The following PIEZO2 variants were observed in gnomAD, a reference collection of about 807,000 sequenced individuals.
PIEZO2 encodes piezo-type mechanosensitive ion channel component 2.
In PIEZO2, 172 loss-of-function variants were observed where a neutral mutation model predicts 337.3. The ratio of observed to expected loss-of-function variants is 0.51; its 90% CI spans 0.45 to 0.58. The LOEUF (loss-of-function observed/expected upper bound fraction) is 0.58. Ranked by LOEUF, PIEZO2 falls within the 20% of genes least tolerant of loss-of-function variation. The pLI is 0.00. For synonymous variants in PIEZO2, 1,251 were observed against 1,228.5 expected (o/e 1.02, Z -0.38); for missense variants, 3,028 against 3,391.3 (o/e 0.89, Z 2.66).
In PIEZO2 at chr18:10,968,556, A is replaced by G. The variant is rs183819886; in HGVS notation, c.286+10979T>C. 2.8e-3 allele frequency among the ~76,000 whole-genome samples: 433 copies of G among 152,058 alleles called. 1 individual carries two copies. The highest frequency in any genetic ancestry group is 3.7e-3 in the Non-Finnish European group (255 of 68,022). On this transcript the variant is annotated intron_variant, in intron 3 of 55. Coordinates refer to ENST00000674853, the MANE Select transcript of PIEZO2 (RefSeq NM_001378183.1). ...ATCTTACTCTCCAGTGTTACTTCTT[A>G]ACAATAGTTTGGGGTTCTTCAAGAG...
At chr18:11,059,213 T>C (rs1391891437) in intron 2 of PIEZO2, among the ~76,000 whole-genome samples, 4 of 131,056 alleles carry the variant, frequency 3.1e-5, no homozygotes, top group African/African-American at 9.9e-5. Flanking sequence ...TGCTGAGAGA[T>C]TTCATCACCA....
At chr18:10,842,251 C>A (rs1403725243) in intron 7 of PIEZO2, among the ~76,000 whole-genome samples, 3 of 152,048 alleles carry the variant, frequency 2.0e-5, no homozygotes, top group African/African-American at 7.2e-5. Context: ...TTTGCACCAA[C>A]CTAATATACA....
intron 40 of PIEZO2, among the ~76,000 whole-genome samples, chr18:10,706,916 A>C (rs1189559271): frequency 1.3e-5 from 2 of 152,160 alleles, no homozygotes; most frequent in Admixed American, 6.5e-5. Flanking sequence ...AAATGCATAG[A>C]CTGTACCCAT....
intron 2 of PIEZO2, among the ~76,000 whole-genome samples, chr18:10,998,861 CAAAA>C (rs10544415): frequency 3.4e-5 from 4 of 118,800 alleles, no homozygotes; most frequent in Non-Finnish European, 7.2e-5. Flanking sequence ...TCAAATACAG[CAAAA>C]AAAAAAAAAA....
rs1269795575 is a variant in PIEZO2, at chr18:10,867,669, C to G, written c.492+3584G>C. Among the ~76,000 whole-genome samples, 7 of 152,042 alleles carry G rather than the reference C, an allele frequency of 4.6e-5. No homozygotes were observed. The South Asian group carries it at 1.2e-3, about 27-fold the overall frequency. On this transcript the variant is annotated intron_variant, in intron 5 of 55. Transcript: ENST00000674853. ...ATTAAAATACTATCTAAAAGAAAGG[C>G]CTCAAATCTCATATAATAGCTAGAA...
At chr18:10,696,652 G>T in intron 45 of PIEZO2, 113 bp from the exon 46 acceptor site, 6 of 1,233,332 alleles carry the variant, frequency 4.9e-6, no homozygotes, top group Non-Finnish European at 6.8e-6. Context: ...TTCCAGTCAG[G>T]TCCCACCTTC....
rs773408238 is a variant in PIEZO2, at chr18:10,750,335, T to C, written c.4168-148A>G. 18 of 620,316 alleles carry C rather than the reference T, an allele frequency of 2.9e-5. No individual in the cohort carries two copies. Among genetic ancestry groups the C allele is most frequent in the Admixed American group, 1.1e-4 (4 of 37,044 alleles). The allele number at this position is 620,316 out of a possible 1,614,324, so 38.4% of individuals were successfully genotyped here. A position where few individuals can be genotyped will look rare whatever the true frequency, so the allele number is the denominator to read the frequency against. ...AATTGTACCTAAAAATTCAGTCACC[T>C]TGTGGTAGTGCTTCAGGAGCAATGT... is the stretch of plus-strand genomic sequence containing the variant. On this transcript the variant is annotated intron_variant, in intron 28 of 55. Coordinates refer to ENST00000674853, the MANE Select transcript of PIEZO2 (RefSeq NM_001378183.1). The surrounding 1 kb of genome is among the most constrained non-coding windows in gnomAD (Gnocchi z 4.1).
At chr18:10,717,029 A>G (rs1324700025) in intron 37 of PIEZO2, among the ~76,000 whole-genome samples, 1 of 152,170 alleles carries the variant, frequency 6.6e-6, no homozygotes, top group African/African-American at 2.4e-5. Context: ...GCAGTAGGGC[A>G]CAGTGGTTAA....
chr18:11,077,015 C>T lies in PIEZO2; in HGVS notation c.65-10793G>A, dbSNP rs1349360271. On this transcript the variant is annotated intron_variant, in intron 1 of 55. Transcript: ENST00000674853. The surrounding 1 kb of genome is among the most constrained non-coding windows in gnomAD (Gnocchi z 4.8). Reference sequence around the variant, plus strand: ...TCTGATCTGACAGAATAGCACCACACATTGCCTCTCATAATTGCAAATGAG... The same window carrying T: ...TCTGATCTGACAGAATAGCACCACATATTGCCTCTCATAATTGCAAATGAG... 6.6e-6 allele frequency among the ~76,000 whole-genome samples: 1 copy of T among 152,204 alleles called. No individual in the cohort carries two copies. Among genetic ancestry groups the T allele is most frequent in the East Asian group, 1.9e-4 (1 of 5,196 alleles).
chr18:10,763,159 A>T (rs2038212322), intron 21 of PIEZO2, 61 bp from the exon 22 acceptor site: 2 of 1,479,122 alleles, frequency 1.4e-6, no homozygotes, highest in African/African-American at 2.8e-5. Context: ...CAAACAGGAC[A>T]GCCACAAAAC....
In PIEZO2 at chr18:10,871,272, T is replaced by C; in HGVS notation, c.473A>G (p.Glu158Gly). 2 of 1,536,168 alleles carry C rather than the reference T, an allele frequency of 1.3e-6. No homozygotes were observed. Among genetic ancestry groups the C allele is most frequent in the Non-Finnish European group, 1.7e-6 (2 of 1,146,624 alleles). ...ATTTACCAATTCTTCATTTTCAAAC[T>C]CCGGGTTACTCTGTGCTGCTTCGTC... is the stretch of plus-strand genomic sequence containing the variant. ...VTDEAAQSNP[E>G]FENEELAEGE... Residue 158 changes from glutamate to glycine, a missense_variant, in exon 5 of 56, where the codon GAG becomes GGG. By Grantham distance (98) the Glu-to-Gly change is moderately conservative. This residue lies in a region of PIEZO2 where 542 missense variants were observed against 605.6 expected (regional missense o/e 0.89). Transcript: ENST00000674853.
At position 10,674,623 on chromosome 18, in the gene PIEZO2, T is replaced by C. The variant is rs536708173; in HGVS notation, c.8161+586A>G. Among the ~76,000 whole-genome samples the C allele has an allele frequency of 3.3e-5, 5 of 152,358 alleles. No individual in the cohort carries two copies. In the South Asian group the frequency reaches 1.0e-3, roughly 32 times the overall value. ...GTGTGTAGTGGCCCATGTTGGAGAA[T>C]GAATTAATGTGTGCCAGATAACTGC... On this transcript the variant is annotated intron_variant, in intron 54 of 55. Coordinates refer to ENST00000674853, the MANE Select transcript of PIEZO2 (RefSeq NM_001378183.1).
At chr18:10,687,797 AGG>A (rs1178620489) in intron 49 of PIEZO2, among the ~76,000 whole-genome samples, 4 of 152,114 alleles carry the variant, frequency 2.6e-5, no homozygotes, top group Non-Finnish European at 5.9e-5. Context: ...ATGGAGAGAG[AGG>A]CCTGGCTAAG....
rs773706979 is a variant in PIEZO2 at position 10,861,448 on chromosome 18, G to C, written c.493-4237C>G. On this transcript the variant is annotated intron_variant, in intron 5 of 55. Coordinates refer to ENST00000674853, the MANE Select transcript of PIEZO2 (RefSeq NM_001378183.1). This position sits in a 1 kb window ranked among gnomAD's most constrained non-coding sequence, Gnocchi z 4.3. Reference sequence around the variant, plus strand: ...ATTTTAACAGGAAATCTTGTTATTTGCAACAACATGCATAAATCTAAAGAA... The same window carrying C: ...ATTTTAACAGGAAATCTTGTTATTTCCAACAACATGCATAAATCTAAAGAA... Among the ~76,000 whole-genome samples, 2 of 152,144 alleles carry C rather than the reference G, an allele frequency of 1.3e-5. No homozygotes were observed. Among genetic ancestry groups the C allele is most frequent in the Admixed American group, 1.3e-4 (2 of 15,274 alleles).
chr18:10,803,816 A>G (rs1393633287), intron 9 of PIEZO2, 59 bp downstream of exon 9: 15 of 1,526,674 alleles, frequency 9.8e-6, no homozygotes, highest in South Asian at 3.6e-5. Context: ...CTCATATTCA[A>G]CAGTAAAATA....
intron 3 of PIEZO2, among the ~76,000 whole-genome samples, chr18:10,968,870 T>C (rs548996551): frequency 6.6e-6 from 1 of 152,338 alleles, no homozygotes; most frequent in South Asian, 2.1e-4. Flanking sequence ...ATAAATTATA[T>C]TAGCAACTGC....
At chr18:10,951,880 T>C (rs1420631773) in intron 3 of PIEZO2, among the ~76,000 whole-genome samples, 1 of 152,154 alleles carries the variant, frequency 6.6e-6, no homozygotes, top group Non-Finnish European at 1.5e-5. Context: ...TCAAGTAATA[T>C]TTGCCAAATT....
intron 3 of PIEZO2, among the ~76,000 whole-genome samples, chr18:10,976,999 A>ATGTGTGTGTGTG (rs1491283264): frequency 1.8e-4 from 9 of 50,248 alleles, no homozygotes; most frequent in African/African-American, 4.0e-4. Flanking sequence ...GCAAGAACAA[A>ATGTGTGTGTGTG]TATGTGTGTG....
At chr18:10,812,794 C>T (rs573932122) in intron 7 of PIEZO2, among the ~76,000 whole-genome samples, 10 of 152,270 alleles carry the variant, frequency 6.6e-5, no homozygotes, top group African/African-American at 2.4e-4. Context: ...CTTGTTTCTG[C>T]TCGCACATGT....
Sources: allele counts gnomAD v4.1 joint callset (sites outside exome capture counted in the v4.1 genomes callset), GRCh38; gene constraint gnomAD v4.1.1; regional missense constraint gnomAD v4.1.1; non-coding constraint Gnocchi (gnomAD v3.1); transcripts MANE v1.5; gene names NCBI Gene and HGNC (gene_info 2026-07-23, HGNC 2026-07-21).